Variants in ADSL observed in about 807,000 individuals in gnomAD.
ADSL encodes the protein adenylosuccinate lyase, also known as adenylosuccinase.
In ADSL, 44 loss-of-function variants were observed where a neutral mutation model predicts 62.1. The ratio of observed to expected loss-of-function variants is 0.71; its 90% CI spans 0.56 to 0.91. The LOEUF is 0.91. Ranked by LOEUF, ADSL falls within the 40% of genes least tolerant of loss-of-function variation. The pLI, the probability that ADSL is intolerant of heterozygous loss-of-function variation, is 0.00. For synonymous variants in ADSL, 198 were observed against 220.5 expected (o/e 0.90, Z 0.90); for missense variants, 531 against 627.4 (o/e 0.85, Z 1.64).
In ADSL at chr22:40,354,319, A is replaced by G. The variant is rs1309666335; in HGVS notation, c.474A>G (p.Thr158=). The change falls in exon 4 of 13, where the codon ACA becomes ACG. Residue 158 remains threonine (T), a synonymous_variant. Transcript: ENST00000623063. ...CCAGTCTACCCACATTAGGTTTCAC[A>G]CATTTCCAGTAAGTGATAAGATTAC... ...ERASLPTLGF[T]HFQPAQLTTV... 2 of 1,613,872 alleles carry G rather than the reference A, an allele frequency of 1.2e-6. No homozygotes were observed. Among genetic ancestry groups the G allele is most frequent in the Non-Finnish European group, 1.7e-6 (2 of 1,179,708 alleles).
rs1371866788 is a variant in ADSL at position 40,367,681 on chromosome 22, T to C, written c.*1159T>C. ...ACCTGCCAGGAGAGCACTAGTGTTA[T>C]TTAGCCCATTCTCATCCTACATATT... On this transcript the variant is annotated 3_prime_UTR_variant, in exon 13 of 13. Transcript: ENST00000623063. 6.0e-6 allele frequency: 1 copy of C among 166,854 alleles called. No homozygotes were observed. Among genetic ancestry groups the C allele is most frequent in the Non-Finnish European group, 1.5e-5 (1 of 68,136 alleles). The allele number at this position is 166,854 out of a possible 1,614,324, so 10.3% of individuals were successfully genotyped here. A position where few individuals can be genotyped will look rare whatever the true frequency, so the allele number is the denominator to read the frequency against.
chr22:40,362,907 CTTG>C, intron 9 of ADSL, 71 bp from the exon 10 acceptor site: 1 of 1,365,522 alleles, frequency 7.3e-7, no homozygotes, highest in South Asian at 1.2e-5. Flanking sequence ...AGTAGGGCAA[CTTG>C]TTGGGACACA....
At chr22:40,361,124 C>T (rs2044766773) in intron 7 of ADSL, 149 bp from the exon 8 acceptor site, 2 of 794,530 alleles carry the variant, frequency 2.5e-6, no homozygotes, top group African/African-American at 1.7e-5. Context: ...GTAAGATACT[C>T]TGCAGGAGCT....
chr22:40,346,952 G>A (rs952075022), intron 1 of ADSL, among the ~76,000 whole-genome samples: 1 of 152,240 alleles, frequency 6.6e-6, no homozygotes, highest in Non-Finnish European at 1.5e-5. Flanking sequence ...AGGAGGCTGG[G>A]AGAAATTCAG....
chr22:40,372,178 G>A (rs1289134333), downstream of ADSL, among the ~76,000 whole-genome samples: 6 of 126,646 alleles, frequency 4.7e-5, no homozygotes, highest in African/African-American at 1.5e-4. Flanking sequence ...CCAGGCTGGA[G>A]TGCAGTGGCG....
intron 2 of ADSL, among the ~76,000 whole-genome samples, chr22:40,384,737 C>A (rs1397902468): frequency 1.3e-5 from 2 of 152,078 alleles, no homozygotes; most frequent in African/African-American, 4.8e-5. Context: ...GCTGAGATAG[C>A]GCCATTGCAC....
intron 2 of ADSL, among the ~76,000 whole-genome samples, chr22:40,375,547 T>G (rs1002224313): frequency 2.7e-5 from 4 of 150,022 alleles, no homozygotes; most frequent in Non-Finnish European, 5.9e-5. Context: ...GTCATTGCAC[T>G]CCAGCCTGGG....
intron 2 of ADSL, among the ~76,000 whole-genome samples, chr22:40,350,571 G>A (rs979509335): frequency 1.3e-5 from 2 of 152,142 alleles, no homozygotes; most frequent in Non-Finnish European, 2.9e-5. Flanking sequence ...TTTGCTGGAT[G>A]TAAGCCAAGG....
intron 2 of ADSL, among the ~76,000 whole-genome samples, chr22:40,379,842 T>G (rs915995157): frequency 1.3e-5 from 2 of 152,072 alleles, no homozygotes; most frequent in Non-Finnish European, 2.9e-5. Context: ...CTGAGTAATC[T>G]GGGACTACAG....
rs886057505 is a variant in ADSL at position 40,364,944 on chromosome 22, G to T, written c.1256G>T (p.Gly419Val). 2 of 1,614,082 alleles carry T rather than the reference G, an allele frequency of 1.2e-6. No homozygotes were observed. Among genetic ancestry groups the T allele is most frequent in the Admixed American group, 3.3e-5 (2 of 60,000 alleles). Residue 419 changes from glycine (G) to valine (V), a missense_variant, in exon 12 of 13, where the codon GGT (glycine) becomes GTT (valine). Transcript: ENST00000623063. ...GCTTCTGTGGTTAAGCAGGAAGGGG[G>T]TGACAATGACCTCATAGAGCGTATC... is the stretch of plus-strand genomic sequence containing the variant. The part of the protein sequence containing the change: ...QAASVVKQEG[G>V]DNDLIERIQV...
Position 40,366,748 on chromosome 22 carries a change from ATC to A in ADSL, c.*230_*231del. 1 of 493,086 alleles carries A rather than the reference ATC, an allele frequency of 2.0e-6. No homozygotes were observed. The highest frequency in any genetic ancestry group is 3.7e-6 in the Non-Finnish European group (1 of 269,998). The allele number at this position is 493,086 out of a possible 1,614,324, so 30.5% of individuals were successfully genotyped here. A position where few individuals can be genotyped will look rare whatever the true frequency, so the allele number is the denominator to read the frequency against. On this transcript the variant is annotated 3_prime_UTR_variant, in exon 13 of 13. Coordinates refer to ENST00000623063, the MANE Select transcript of ADSL (RefSeq NM_000026.4). ...GCATAGTAAATGTAGTTCATACTTG[ATC>A]TCTGTTCTTTCAAGGCATATTTTCC...
intron 2 of ADSL, chr22:40,379,286 C>G (rs2047177443): frequency 6.6e-6 from 1 of 152,246 alleles, no homozygotes; most frequent in South Asian, 2.1e-4. Context: ...TTCCTCAACA[C>G]AAAGTCACCA....
chr22:40,369,849 C>T (rs755160296), downstream of ADSL, among the ~76,000 whole-genome samples: 2 of 152,174 alleles, frequency 1.3e-5, no homozygotes, highest in African/African-American at 2.4e-5. Flanking sequence ...GACACCTGGA[C>T]ACTTAATGCC....
intron 2 of ADSL, among the ~76,000 whole-genome samples, chr22:40,385,355 C>CTTTGT (rs1003975549): frequency 7.9e-5 from 12 of 152,076 alleles, no homozygotes; most frequent in African/African-American, 2.7e-4. Flanking sequence ...GGGATAGTTG[C>CTTTGT]TTTGTTTTGT....
rs1030520987 is a variant in ADSL, at chr22:40,361,590, C to T, written c.965C>T (p.Ala322Val). ...CTTGTCATGGACCCGCTACAGACAG[C>T]ATCTGTCCAGTGGTTTGAACGCACA... The part of the protein sequence containing the change: ...MTLVMDPLQT[A>V]SVQWFERTLD... Residue 322 changes from alanine to valine, a missense_variant, in exon 9 of 13, where the codon GCA becomes GTA. Transcript: ENST00000623063. 22 of 1,614,174 alleles carry T rather than the reference C, an allele frequency of 1.4e-5. No homozygotes were observed. The highest frequency in any genetic ancestry group is 1.9e-5 in the Non-Finnish European group (22 of 1,180,046).
Position 40,368,468 on chromosome 22 carries a change from A to C in ADSL, c.*1946A>C, listed in dbSNP as rs2045062583. On this transcript the variant is annotated 3_prime_UTR_variant, in exon 13 of 13. Transcript: ENST00000623063. ...GGCTGGGTGACAGCGAGCCCTTGTCACTTAAAGCCAACCTAAGAGAAGAGC... is the reference window on the plus strand; with the variant it reads ...GGCTGGGTGACAGCGAGCCCTTGTCCCTTAAAGCCAACCTAAGAGAAGAGC... The C allele has an allele frequency of 6.6e-6, 1 of 152,000 alleles. No homozygotes were observed. The highest frequency in any genetic ancestry group is 2.1e-4 in the South Asian group (1 of 4,826). The allele number at this position is 152,000 out of a possible 1,614,324, so 9.4% of individuals were successfully genotyped here.
chr22:40,380,708 G>A (rs1014467993), intron 2 of ADSL, among the ~76,000 whole-genome samples: 1 of 152,134 alleles, frequency 6.6e-6, no homozygotes, highest in African/African-American at 2.4e-5. Context: ...GGCCAAGGTA[G>A]GATGACTGAT....
At chr22:40,346,784 G>C (rs2044158426) in intron 1 of ADSL, 73 bp downstream of exon 1, 2 of 1,497,124 alleles carry the variant, frequency 1.3e-6, no homozygotes, top group Non-Finnish European at 9.0e-7. Flanking sequence ...GCTCTGTTCC[G>C]GGCTGGGCTT....
chr22:40,384,585 C>T (rs1334454368), intron 2 of ADSL, among the ~76,000 whole-genome samples: 1 of 152,110 alleles, frequency 6.6e-6, no homozygotes, highest in Non-Finnish European at 1.5e-5. Context: ...TCGAGACCAT[C>T]CTGGCTAACA....
Sources: allele counts gnomAD v4.1 joint callset (sites outside exome capture counted in the v4.1 genomes callset), GRCh38; gene constraint gnomAD v4.1.1; transcripts MANE v1.5; gene names NCBI Gene and HGNC (gene_info 2026-07-23, HGNC 2026-07-21).